NCOR1: variants seen among roughly 807,000 people sequenced by gnomAD.
NCOR1 encodes nuclear receptor corepressor 1, also known as protein phosphatase 1, regulatory subunit 109.
Under a neutral mutation model 288.1 loss-of-function variants are expected in NCOR1, and 63 were observed. The observed-to-expected ratio is 0.22, with a 90% confidence interval of 0.18 to 0.27. The LOEUF (loss-of-function observed/expected upper bound fraction) is 0.27. Among genes scored for constraint, NCOR1 ranks in the 10% least tolerant of loss-of-function variants. The pLI, the probability that NCOR1 is intolerant of heterozygous loss-of-function variation, is 1.00. For synonymous variants in NCOR1, 1,007 were observed against 1,065.9 expected, an observed-to-expected ratio of 0.94 and a Z score of 1.08; for missense variants, 2,397 against 3,019.2, an observed-to-expected ratio of 0.79 and a Z score of 4.83.
chr17:16,127,783 G>A (rs1057474255), intron 14 of NCOR1, among the ~76,000 whole-genome samples: 22 of 150,278 alleles, frequency 1.5e-4, no homozygotes, highest in Admixed American at 6.0e-4. Flanking sequence ...ATTAGGGTTC[G>A]GTACTATCTG....
intron 1 of NCOR1, among the ~76,000 whole-genome samples, chr17:16,199,519 C>G (rs2090471167): frequency 6.6e-6 from 1 of 152,142 alleles, no homozygotes; most frequent in African/African-American, 2.4e-5. Context: ...TTTTCAGTCT[C>G]CCCCTGCCCT....
intron 31 of NCOR1, among the ~76,000 whole-genome samples, chr17:16,069,138 T>A (rs2061458278): frequency 6.6e-6 from 1 of 152,140 alleles, no homozygotes; most frequent in Non-Finnish European, 1.5e-5. Flanking sequence ...AACCATCACA[T>A]CTAATTACTA....
intron 42 of NCOR1, chr17:16,045,023 G>A (rs951214145): frequency 2.3e-6 from 1 of 435,172 alleles, no homozygotes; most frequent in Non-Finnish European, 4.2e-6. Context: ...GAATAAACCA[G>A]ACTATGGTCT....
At chr17:16,035,530 C>CTT (rs966987249) in intron 44 of NCOR1, among the ~76,000 whole-genome samples, 2,626 of 118,280 alleles carry the variant, frequency 0.022, 123 homozygotes, top group African/African-American at 0.078. Flanking sequence ...TTCTCTTGTT[C>CTT]TTTTTTTTTT....
intron 17 of NCOR1, among the ~76,000 whole-genome samples, chr17:16,118,633 T>C (rs992149471): frequency 4.6e-5 from 7 of 152,208 alleles, no homozygotes; most frequent in African/African-American, 1.7e-4. Flanking sequence ...TATGTATCTA[T>C]GCATTTGTAT....
At position 16,062,260 on chromosome 17, in the gene NCOR1, C is replaced by G. The variant is rs774794879; in HGVS notation, c.5232G>C (p.Gln1744His). 9 of 1,602,544 alleles carry G rather than the reference C, an allele frequency of 5.6e-6. No individual in the cohort carries two copies. Among genetic ancestry groups the G allele is most frequent in the Non-Finnish European group, 7.6e-6 (9 of 1,177,434 alleles). ...SDLYLRPGSEQPGRPGSHGYV... is the reference protein window; with the variant it reads ...SDLYLRPGSEHPGRPGSHGYV... The stretch of plus-strand genomic sequence containing the variant: ...ATCCATGACTGCCAGGTCGGCCAGG[C>G]TGTTCTGAGCCTGCAGAGGTGAAAA... Residue 1744 changes from glutamine (Q) to histidine (H), a missense_variant, in exon 36 of 46, where the codon CAG (glutamine) becomes CAC (histidine). By Grantham distance (24) the Gln-to-His change is conservative. Around this residue, in one of 11 missense-constraint regions of NCOR1, gnomAD observed 1,872 missense variants for 2,187.8 expected, o/e 0.86. Transcript: ENST00000268712.
chr17:16,138,297 T>C lies in NCOR1; in HGVS notation c.1353-85A>G, dbSNP rs922543735. The C allele has an allele frequency of 4.2e-5, 51 of 1,219,682 alleles. 2 individuals are homozygous for C. The South Asian group carries it at 5.5e-4, about 13-fold the overall frequency. 75.6% of individuals were successfully genotyped at this position (1,219,682 alleles called of 1,614,324 possible). The stretch of plus-strand genomic sequence containing the variant: ...AAAAAACTTGGGAAAAGAAAGACTA[T>C]GTATAGGCTGGGCGTGGTGGCTCAT... On this transcript the variant is annotated intron_variant, in intron 12 of 45. Transcript: ENST00000268712.
intron 21 of NCOR1, 116 bp downstream of exon 21, chr17:16,098,251 G>T: frequency 1.0e-6 from 1 of 997,138 alleles, no homozygotes; most frequent in Non-Finnish European, 1.5e-6. Context: ...TTAATTTCAT[G>T]TTATGTTTTG....
rs556693890 is a variant in NCOR1 at position 16,127,437 on chromosome 17, GTA to G, written c.1510-1233_1510-1232del. Among the ~76,000 whole-genome samples, 768 of 143,614 alleles carry G rather than the reference GTA, an allele frequency of 5.3e-3. 199 individuals are homozygous for G. Among genetic ancestry groups the G allele is most frequent in the African/African-American group, 0.019 (730 of 38,292 alleles). The allele number at this position is 143,614 out of a possible 152,430, so 94.2% of individuals were successfully genotyped here. On this transcript the variant is annotated intron_variant, in intron 14 of 45. Coordinates refer to ENST00000268712, the MANE Select transcript of NCOR1 (RefSeq NM_006311.4). ...TATATATACATGTGTATATGTGTATGTATATATGTGTATATGTATATATACGT... is the reference window on the plus strand; with the variant it reads ...TATATATACATGTGTATATGTGTATGTATATGTGTATATGTATATATACGT...
chr17:16,106,872 T>C lies in NCOR1; in HGVS notation c.2182+1914A>G, dbSNP rs1215995443. On this transcript the variant is annotated intron_variant, in intron 19 of 45. Transcript: ENST00000268712. ...GATCAGACATATATATATATATATATATATATATATATTTTTTTTTTTTTT... is the reference window on the plus strand; with the variant it reads ...GATCAGACATATATATATATATATACATATATATATATTTTTTTTTTTTTT... Among the ~76,000 whole-genome samples, 136 of 55,638 alleles carry C rather than the reference T, an allele frequency of 2.4e-3. 2 individuals are homozygous for C. Among genetic ancestry groups the C allele is most frequent in the African/African-American group, 0.012 (132 of 11,112 alleles). 36.5% of individuals were successfully genotyped at this position (55,638 alleles called of 152,430 possible). A position where few individuals can be genotyped will look rare whatever the true frequency, so the allele number is the denominator to read the frequency against.
chr17:16,065,054 T>C, intron 33 of NCOR1, 35 bp from the exon 34 acceptor site: 1 of 1,599,068 alleles, frequency 6.3e-7, no homozygotes, highest in Non-Finnish European at 8.6e-7. Context: ...TGTTAAGTGT[T>C]ATTCTAAAGG....
chr17:16,187,984 G>C (rs1444732211), intron 2 of NCOR1, among the ~76,000 whole-genome samples: 1 of 152,012 alleles, frequency 6.6e-6, no homozygotes, highest in Non-Finnish European at 1.5e-5. Context: ...CAAAAGATGG[G>C]GAGAAGAGGA....
At chr17:16,152,564 T>G (rs557080741) in intron 7 of NCOR1, among the ~76,000 whole-genome samples, 1 of 152,354 alleles carries the variant, frequency 6.6e-6, no homozygotes, top group East Asian at 1.9e-4. Context: ...TGATGGACAT[T>G]TGGGTTGGTT....
chr17:16,184,383 T>A (rs2153518060), intron 3 of NCOR1, among the ~76,000 whole-genome samples: 1 of 152,274 alleles, frequency 6.6e-6, no homozygotes, highest in Middle Eastern at 3.4e-3. Flanking sequence ...ACAAATAACC[T>A]GATTTTAAAA....
At chr17:16,092,675 ATATATATATATATATATATATTTTTTTTT>A (rs1312612450) in intron 21 of NCOR1, among the ~76,000 whole-genome samples, 4 of 18,210 alleles carry the variant, frequency 2.2e-4, no homozygotes, top group East Asian at 5.8e-3. Context: ...ATATATATAT[ATATATATATATATATATATATTTTTTTTT>A]TTTTTTTTTT....
At chr17:16,151,585 C>A in intron 8 of NCOR1, 1 of 1,325,502 alleles carries the variant, frequency 7.5e-7, no homozygotes, top group Non-Finnish European at 1.0e-6. Context: ...GCTTCATTAT[C>A]TTACTTCATC....
At chr17:16,163,087 C>G (rs1248404367) in intron 5 of NCOR1, among the ~76,000 whole-genome samples, 3 of 151,950 alleles carry the variant, frequency 2.0e-5, no homozygotes, top group African/African-American at 7.3e-5. Flanking sequence ...GAAGAAAACA[C>G]AGGTATAAAT....
chr17:16,065,434 A>G, intron 33 of NCOR1, 51 bp downstream of exon 33: 1 of 1,554,788 alleles, frequency 6.4e-7, no homozygotes, highest in Non-Finnish European at 8.9e-7. Flanking sequence ...CCTAAGAAAC[A>G]CTAGGTAAAC....
intron 8 of NCOR1, 180 bp downstream of exon 8, chr17:16,151,766 G>T: frequency 1.0e-6 from 1 of 969,406 alleles, no homozygotes; most frequent in Non-Finnish European, 1.5e-6. Flanking sequence ...GAAACTCAAA[G>T]CTGTTACCCC....
Sources: gnomAD v4.1 joint callset for allele counts (sites outside exome capture counted in the v4.1 genomes callset) on GRCh38, gnomAD v4.1.1 for gene constraint, gnomAD v4.1.1 regional missense constraint, MANE v1.5 for transcripts, NCBI Gene and HGNC (gene_info 2026-07-23, HGNC 2026-07-21) for gene names.